The following PDCD7 variants were observed in gnomAD, a reference collection of about 807,000 sequenced individuals.
The protein encoded by PDCD7 is programmed cell death protein 7.
Under a neutral mutation model 42.1 loss-of-function variants are expected in PDCD7, and 40 were observed. The observed-to-expected ratio is 0.95, with a 90% confidence interval of 0.74 to 1.24. The LOEUF (loss-of-function observed/expected upper bound fraction) is 1.24, where lower values mean the gene tolerates loss of function less well. Among genes scored for constraint, PDCD7 ranks in the 50% most tolerant of loss-of-function variants. The pLI, the probability that PDCD7 is intolerant of heterozygous loss-of-function variation, is 0.00. For missense variants in PDCD7, 644 were observed against 662.8 expected, an observed-to-expected ratio of 0.97 and a Z score of 0.31; for synonymous variants, 299 against 303.3, an observed-to-expected ratio of 0.99 and a Z score of 0.15.
chr15:65,119,549 C>T (rs571076045), intron 3 of PDCD7, 86 bp from the exon 4 acceptor site: 36 of 1,233,080 alleles, frequency 2.9e-5, no homozygotes, highest in Middle Eastern at 1.9e-4. Context: ...CCTATGATTA[C>T]GACAGAATGA....
At chr15:65,124,183 A>G (rs1334242409) in intron 2 of PDCD7, among the ~76,000 whole-genome samples, 1 of 152,050 alleles carries the variant, frequency 6.6e-6, no homozygotes, top group African/African-American at 2.4e-5. Context: ...ACACTTTGGG[A>G]GGCTGAGGCG....
intron 2 of PDCD7, among the ~76,000 whole-genome samples, chr15:65,125,305 CCT>C (rs1406329476): frequency 6.6e-6 from 1 of 152,142 alleles, no homozygotes; most frequent in Non-Finnish European, 1.5e-5. Context: ...TCTACTCACT[CCT>C]CTCAGCAATT....
chr15:65,119,592 A>G, intron 3 of PDCD7, 126 bp downstream of exon 3: 2 of 1,235,698 alleles, frequency 1.6e-6, no homozygotes, highest in East Asian at 2.3e-5. Context: ...CATGAGTTCT[A>G]TGACACAGAA....
chr15:65,128,598 A>G (rs1022645883), intron 2 of PDCD7, among the ~76,000 whole-genome samples: 5 of 152,240 alleles, frequency 3.3e-5, no homozygotes, highest in Non-Finnish European at 5.9e-5. Flanking sequence ...CCAACCATTC[A>G]TACCTCTTCA....
chr15:65,124,356 T>C (rs151267170), intron 2 of PDCD7, among the ~76,000 whole-genome samples: 3,035 of 148,714 alleles, frequency 0.02, 48 homozygotes, highest in Middle Eastern at 0.038. Flanking sequence ...ACCTGGGAGG[T>C]GGAGGTTGCA....
intron 3 of PDCD7, 105 bp from the exon 4 acceptor site, chr15:65,119,568 G>GT: frequency 8.2e-7 from 1 of 1,217,252 alleles, no homozygotes; most frequent in South Asian, 1.3e-5. Context: ...GAGAAAATGT[G>GT]TTCTATCTGT....
At chr15:65,119,006 A>G (rs2087430129) in intron 4 of PDCD7, 166 bp from the exon 5 acceptor site, 1 of 496,486 alleles carries the variant, frequency 2.0e-6, no homozygotes, top group East Asian at 3.4e-5. Flanking sequence ...TTAAATGTAC[A>G]TATAAAAAGA....
At chr15:65,129,915 A>AT (rs746709395) in intron 1 of PDCD7, among the ~76,000 whole-genome samples, 2,295 of 84,956 alleles carry the variant, frequency 0.027, 83 homozygotes, top group Non-Finnish European at 0.036. Flanking sequence ...GAAACTTTGT[A>AT]TTTTTTTTTT....
At position 65,133,464 on chromosome 15, in the gene PDCD7, C is replaced by T; in HGVS notation, c.318G>A (p.Arg106=). The stretch of plus-strand genomic sequence containing the variant: ...CCGGGCCGGGAGGCGGTGGCCGCGG[C>T]CGCTCGCCGGCGTCGGTCCCCGGGA... The part of the protein sequence containing the change: ...RPFPGTDAGE[R]PRPPPPGPGP... Residue 106 remains arginine (R), a synonymous_variant, in exon 1 of 5, where the codon CGG becomes CGA. Coordinates refer to ENST00000204549, the MANE Select transcript of PDCD7 (RefSeq NM_005707.2). 8.3e-7 allele frequency: 1 copy of T among 1,211,158 alleles called. No individual in the cohort carries two copies. The highest frequency in any genetic ancestry group is 1.0e-6 in the Non-Finnish European group (1 of 974,930). The allele number at this position is 1,211,158 out of a possible 1,614,324, so 75.0% of individuals were successfully genotyped here. A position where few individuals can be genotyped will look rare whatever the true frequency, so the allele number is the denominator to read the frequency against.
At chr15:65,121,129 C>A (rs2087451515) in intron 2 of PDCD7, among the ~76,000 whole-genome samples, 1 of 149,622 alleles carries the variant, frequency 6.7e-6, no homozygotes, top group South Asian at 2.1e-4. Flanking sequence ...GATCTCAGCT[C>A]ACTGCAAACT....
intron 4 of PDCD7, 104 bp downstream of exon 4, chr15:65,119,272 C>A: frequency 4.3e-6 from 3 of 698,238 alleles, no homozygotes; most frequent in South Asian, 2.0e-5. Context: ...CCTTATGGAA[C>A]TTAAAAAAAA....
intron 4 of PDCD7, 70 bp from the exon 5 acceptor site, chr15:65,118,910 T>C: frequency 8.3e-7 from 1 of 1,212,028 alleles, no homozygotes; most frequent in Non-Finnish European, 1.1e-6. Flanking sequence ...AGCAACTACA[T>C]ATTCTAAGAC....
chr15:65,119,225 C>T, intron 4 of PDCD7, 151 bp downstream of exon 4: 1 of 582,670 alleles, frequency 1.7e-6, no homozygotes, highest in Non-Finnish European at 3.1e-6. Context: ...ATCCTTGAAA[C>T]ATGGAAACAT....
At position 65,120,563 on chromosome 15, in the gene PDCD7, C is replaced by G. The variant is rs967307046; in HGVS notation, c.1010-609G>C. ...CTCTACTAAAAATACAAAAAATTAG[C>G]CAGGCATGGTGGCAGGTACCTGTAG... On this transcript the variant is annotated intron_variant, in intron 2 of 4. Coordinates refer to ENST00000204549, the MANE Select transcript of PDCD7 (RefSeq NM_005707.2). Among the ~76,000 whole-genome samples the G allele has an allele frequency of 2.6e-5, 4 of 152,054 alleles. No individual in the cohort carries two copies. The South Asian group carries it at 8.3e-4, about 32-fold the overall frequency.
intron 2 of PDCD7, among the ~76,000 whole-genome samples, chr15:65,122,766 G>A (rs1485427564): frequency 1.3e-5 from 2 of 152,152 alleles, no homozygotes; most frequent in Non-Finnish European, 2.9e-5. Flanking sequence ...CACTTTGGGA[G>A]GCTGAGACGG....
At chr15:65,130,683 A>C (rs1348041351) in intron 1 of PDCD7, among the ~76,000 whole-genome samples, 1 of 152,048 alleles carries the variant, frequency 6.6e-6, no homozygotes, top group African/African-American at 2.4e-5. Context: ...TTTTCCTTTA[A>C]GACTCAGCTT....
chr15:65,129,040 G>A lies in PDCD7; in HGVS notation c.1001C>T (p.Ala334Val), dbSNP rs1016835805. ...TGCAAAGCCACAGTTACCTTTCCTC[G>A]CTGCAGCCTCTTTCCTCAGTTTCCT... ...KLRKLRKEAAARKGVCPPASA... is the reference protein window; with the variant it reads ...KLRKLRKEAAVRKGVCPPASA... The change falls in exon 2 of 5, where the codon GCG becomes GTG. Residue 334 changes from alanine (A) to valine (V), a missense_variant. By Grantham distance (64) the Ala-to-Val change is moderately conservative. Coordinates refer to ENST00000204549, the MANE Select transcript of PDCD7 (RefSeq NM_005707.2). 2.0e-5 allele frequency: 33 copies of A among 1,613,972 alleles called. No individual in the cohort carries two copies. The highest frequency in any genetic ancestry group is 2.8e-5 in the Non-Finnish European group (33 of 1,179,984).
intron 2 of PDCD7, among the ~76,000 whole-genome samples, chr15:65,128,512 C>A (rs2087514128): frequency 6.6e-6 from 1 of 152,160 alleles, no homozygotes; most frequent in African/African-American, 2.4e-5. Context: ...TCTGGTGCTT[C>A]CTCCAGAGGC....
chr15:65,125,750 G>T (rs1311158982), intron 2 of PDCD7, among the ~76,000 whole-genome samples: 1 of 152,136 alleles, frequency 6.6e-6, no homozygotes, highest in Non-Finnish European at 1.5e-5. Flanking sequence ...AGGAAACAAA[G>T]GTTCAGAGAA....
Sources: allele counts gnomAD v4.1 joint callset (sites outside exome capture counted in the v4.1 genomes callset), GRCh38; gene constraint gnomAD v4.1.1; transcripts MANE v1.5; gene names NCBI Gene and HGNC (gene_info 2026-07-23, HGNC 2026-07-21).